ARSF: variants seen among roughly 807,000 people sequenced by gnomAD.
ARSF encodes the protein arylsulfatase F.
A neutral mutation model predicts 35.4 loss-of-function variants in ARSF; 33 were observed. The ratio of observed to expected loss-of-function variants is 0.93; its 90% CI spans 0.71 to 1.25. The LOEUF is 1.25. Among genes scored for constraint, ARSF ranks in the 50% most tolerant of loss-of-function variants. ARSF has a pLI of 0.00. For missense variants in ARSF, 501 were observed against 480.2 expected, an observed-to-expected ratio of 1.04 and a Z score of -0.40; for synonymous variants, 222 against 193.1, an observed-to-expected ratio of 1.15 and a Z score of -1.24.
At chrX:3,077,651 C>G (rs756990874) in intron 4 of ARSF, among the ~76,000 whole-genome samples, 9 of 109,189 alleles carry the variant, frequency 8.2e-5, no homozygotes, top group Non-Finnish European at 1.7e-4. Flanking sequence ...AACAAACAAA[C>G]AGCAACAACA....
At chrX:3,075,070 C>T (rs2012433) in intron 3 of ARSF, among the ~76,000 whole-genome samples, 8,030 of 111,856 alleles carry the variant, frequency 0.072, 418 homozygotes, top group African/African-American at 0.19. Context: ...GCAACCTATG[C>T]AGACTGCAGG....
intron 1 of ARSF, among the ~76,000 whole-genome samples, chrX:3,046,962 A>G (rs757032559): frequency 1.9e-5 from 2 of 107,396 alleles, no homozygotes; most frequent in East Asian, 5.9e-4. Context: ...AGCTGATGAG[A>G]AAAAAAAAAG....
At chrX:3,088,122 C>T (rs924910647) in intron 6 of ARSF, among the ~76,000 whole-genome samples, 3 of 112,029 alleles carry the variant, frequency 2.7e-5, no homozygotes, top group Non-Finnish European at 5.6e-5. Flanking sequence ...AACAGCGGGT[C>T]AGCCTAGTTC....
intron 10 of ARSF, 22 bp from the exon 11 acceptor site, chrX:3,112,152 G>A (rs753449482): frequency 6.9e-6 from 8 of 1,166,833 alleles, no homozygotes; most frequent in African/African-American, 1.8e-5. Context: ...ATCATTTGAC[G>A]AGTCTCTCTT....
At chrX:3,077,137 T>C (rs2090158766) in intron 4 of ARSF, among the ~76,000 whole-genome samples, 1 of 112,175 alleles carries the variant, frequency 8.9e-6, no homozygotes, top group South Asian at 3.7e-4. Flanking sequence ...TCAAAATGGC[T>C]GCGCTTCTCA....
rs370359782 is a variant in ARSF, at chrX:3,068,059, G to A, written c.-28-14G>A. On this transcript the variant is annotated splice_polypyrimidine_tract_variant and intron_variant, in intron 1 of 10. Coordinates refer to ENST00000381127, the MANE Select transcript of ARSF (RefSeq NM_001201539.2). The stretch of plus-strand genomic sequence containing the variant: ...TTTTGGTCTTTTAAATCACGTCTGT[G>A]TCTTCTGCCAAAGACAACAAGAAGG... The A allele has an allele frequency of 5.6e-6, 6 of 1,063,504 alleles. No homozygotes were observed. In the African/African-American group the frequency reaches 8.1e-5, roughly 14 times the overall value. 87.6% of individuals were successfully genotyped at this position (1,063,504 alleles called of 1,213,427 possible). A position where few individuals can be genotyped will look rare whatever the true frequency, so the allele number is the denominator to read the frequency against.
chrX:3,076,681 G>T lies in ARSF; in HGVS notation c.283+12G>T, dbSNP rs201553325. On this transcript the variant is annotated intron_variant, in intron 4 of 10. Transcript: ENST00000381127. ...CCCCATCCGATCAGGTGCGCAAACT[G>T]GCGGGCTCTGCTGGGCTCTGCCCTC... 5.4e-5 allele frequency: 65 copies of T among 1,207,077 alleles called. No individual in the cohort carries two copies. The African/African-American group carries it at 1.1e-3, about 21-fold the overall frequency.
At chrX:3,040,604 C>A (rs1215997846), upstream of ARSF, among the ~76,000 whole-genome samples, 1 of 111,014 alleles carries the variant, frequency 9.0e-6, no homozygotes, top group Admixed American at 9.7e-5. Flanking sequence ...GAGAGGCTGA[C>A]CTCCTCAGCT....
intron 9 of ARSF, among the ~76,000 whole-genome samples, chrX:3,107,161 G>A (rs964634258): frequency 9.0e-6 from 1 of 111,631 alleles, no homozygotes; most frequent in East Asian, 2.8e-4. Context: ...AGGACCATAA[G>A]CCTAAATGTA....
intron 6 of ARSF, among the ~76,000 whole-genome samples, chrX:3,089,071 T>C (rs1382827528): frequency 4.5e-5 from 5 of 111,875 alleles, no homozygotes; most frequent in Non-Finnish European, 9.4e-5. Flanking sequence ...TTATTGCAAA[T>C]GGAAAACTTA....
Position 3,083,321 on chromosome X carries a change from A to C in ARSF, c.407-922A>C, listed in dbSNP as rs140321102. Reference sequence around the variant, plus strand: ...AATTTATTTTTATCTATCATATCCCATCTGTCTATTCATCCACCCACAACA... The same window carrying C: ...AATTTATTTTTATCTATCATATCCCCTCTGTCTATTCATCCACCCACAACA... On this transcript the variant is annotated intron_variant, in intron 5 of 10. Coordinates refer to ENST00000381127, the MANE Select transcript of ARSF (RefSeq NM_001201539.2). 6.7e-3 allele frequency among the ~76,000 whole-genome samples: 740 copies of C among 110,795 alleles called. 4 individuals are homozygous for C. The highest frequency in any genetic ancestry group is 0.023 in the African/African-American group (707 of 30,501).
chrX:3,041,190 AG>A (rs1238652056), upstream of ARSF, among the ~76,000 whole-genome samples: 2 of 111,301 alleles, frequency 1.8e-5, no homozygotes, highest in Non-Finnish European at 3.8e-5. Context: ...TCCAGCCCAA[AG>A]GTCAACCTGC....
chrX:3,083,511 TATCTATCTATCTATCTATCC>T lies in ARSF; in HGVS notation c.407-728_407-709del, dbSNP rs1179591080. ...CTATCTATCTATCTATCTATCTATC[TATCTATCTATCTATCTATCC>T]ATCCATCCATCCATCCAACCACTCA... is the stretch of plus-strand genomic sequence containing the variant. On this transcript the variant is annotated intron_variant, in intron 5 of 10. Coordinates refer to ENST00000381127, the MANE Select transcript of ARSF (RefSeq NM_001201539.2). Among the ~76,000 whole-genome samples, 146 of 67,872 alleles carry T rather than the reference TATCTATCTATCTATCTATCC, an allele frequency of 2.2e-3. No individual in the cohort carries two copies. The South Asian group carries it at 0.03, about 14-fold the overall frequency. 58.9% of individuals were successfully genotyped at this position (67,872 alleles called of 115,157 possible).
In ARSF at chrX:3,094,252, G is replaced by T. The variant is rs191455939; in HGVS notation, c.967+4620G>T. On this transcript the variant is annotated intron_variant, in intron 7 of 10. Transcript: ENST00000381127. Reference sequence around the variant, plus strand: ...TGCTCCTGGAGATAAGCCAGGGTTGGGCTCCAAAGCTCTTACTCCCTAGCT... The same window carrying T: ...TGCTCCTGGAGATAAGCCAGGGTTGTGCTCCAAAGCTCTTACTCCCTAGCT... Among the ~76,000 whole-genome samples, 27 of 111,563 alleles carry T rather than the reference G, an allele frequency of 2.4e-4. 1 individual carries two copies. Among genetic ancestry groups the T allele is most frequent in the Non-Finnish European group, 1.9e-5 (1 of 53,102 alleles).
chrX:3,101,342 G>C, intron 8 of ARSF, 121 bp downstream of exon 8: 1 of 841,976 alleles, frequency 1.2e-6, no homozygotes, highest in Non-Finnish European at 1.6e-6. Flanking sequence ...TGTTTAATTT[G>C]ACTCTTAGTA....
chrX:3,073,099 C>A (rs1159235306), intron 3 of ARSF, among the ~76,000 whole-genome samples: 1 of 94,458 alleles, frequency 1.1e-5, no homozygotes, highest in Non-Finnish European at 2.1e-5. Context: ...TATAAAAGTA[C>A]ATTTAAATAA....
chrX:3,063,738 C>T (rs2090051925), intron 1 of ARSF, among the ~76,000 whole-genome samples: 1 of 111,556 alleles, frequency 9.0e-6, no homozygotes, highest in African/African-American at 3.3e-5. Context: ...CCTAGGAATC[C>T]AACTTACAAG....
At chrX:3,075,550 A>G (rs1283119432) in intron 3 of ARSF, among the ~76,000 whole-genome samples, 3 of 93,058 alleles carry the variant, frequency 3.2e-5, no homozygotes, top group Non-Finnish European at 6.5e-5. Context: ...CTGTCTCTCT[A>G]TCTCTCTCTC....
Position 3,112,395 on chromosome X carries a change from C to A in ARSF, c.1612C>A (p.Leu538Met), listed in dbSNP as rs1441054536. 1 of 1,209,438 alleles carries A rather than the reference C, an allele frequency of 8.3e-7. No homozygotes were observed. Among genetic ancestry groups the A allele is most frequent in the Non-Finnish European group, 1.1e-6 (1 of 895,148 alleles). ...DFVIKKVANA[L>M]KEHQETIVPV... ...TGTGATTAAAAAGGTGGCCAACGCC[C>A]TGAAGGAACACCAGGAAACCATCGT... Residue 538 changes from leucine (L) to methionine (M), a missense_variant, in exon 11 of 11, where the codon CTG becomes ATG. Transcript: ENST00000381127.
Sources: allele counts gnomAD v4.1 joint callset (sites outside exome capture counted in the v4.1 genomes callset), GRCh38; gene constraint gnomAD v4.1.1; transcripts MANE v1.5; gene names NCBI Gene and HGNC (gene_info 2026-07-23, HGNC 2026-07-21).